Variants in GPHN observed in about 807,000 individuals in gnomAD.
GPHN encodes gephyrin.
Under a neutral mutation model 95.5 loss-of-function variants are expected in GPHN, and 17 were observed. The observed-to-expected ratio is 0.18, with a 90% confidence interval of 0.12 to 0.27. The LOEUF (loss-of-function observed/expected upper bound fraction) is 0.27, where lower values mean the gene tolerates loss of function less well. Among genes scored for constraint, GPHN ranks in the 10% least tolerant of loss-of-function variants. The pLI is 1.00. For synonymous variants in GPHN, 320 were observed against 322.5 expected (o/e 0.99, Z 0.08); for missense variants, 660 against 978.1 (o/e 0.67, Z 4.34).
At chr14:67,143,269 C>G (rs1595358842) in intron 17 of GPHN, 93 bp from the exon 18 acceptor site, 2 of 802,696 alleles carry the variant, frequency 2.5e-6, no homozygotes, top group East Asian at 4.9e-5. Context: ...ATGTTAATGC[C>G]TATTAGTGAA....
At chr14:67,578,754 G>A in the GPHN span, 12 of 709,934 alleles carry the variant, frequency 1.7e-5, no homozygotes, top group African/African-American at 8.7e-5. This position sits in a 1 kb window ranked among gnomAD's most constrained non-coding sequence, Gnocchi z 5.0. Flanking sequence ...CTCAGTGGTC[G>A]TGGAGACTTC....
chr14:67,229,777 T>A, the GPHN span, among the ~76,000 whole-genome samples: 1 of 152,372 alleles, frequency 6.6e-6, no homozygotes, highest in Admixed American at 6.5e-5. Flanking sequence ...TTTACTCTTT[T>A]GATGTGCCTG....
the GPHN span, among the ~76,000 whole-genome samples, chr14:67,325,802 AT>A: frequency 6.8e-6 from 1 of 148,136 alleles, no homozygotes; most frequent in Non-Finnish European, 1.5e-5. Context: ...CATGTTAAAC[AT>A]GTTAAGCATC....
the GPHN span, chr14:67,225,029 TC>T: frequency 8.3e-7 from 1 of 1,204,516 alleles, no homozygotes; most frequent in Non-Finnish European, 1.1e-6. Context: ...GCCTTTTTTT[TC>T]CTCCTGCTTT....
the GPHN span, among the ~76,000 whole-genome samples, chr14:67,260,455 G>A: frequency 6.6e-6 from 1 of 152,186 alleles, no homozygotes; most frequent in Non-Finnish European, 1.5e-5. Context: ...TCAAATATGA[G>A]TTAACAAACT....
At chr14:66,689,346 G>A (rs1016953210) in intron 2 of GPHN, among the ~76,000 whole-genome samples, 2 of 152,114 alleles carry the variant, frequency 1.3e-5, no homozygotes, top group Non-Finnish European at 2.9e-5. Flanking sequence ...CATATTTATT[G>A]ATTTGCATAT....
the GPHN span, among the ~76,000 whole-genome samples, chr14:67,461,214 T>C: frequency 1.3e-5 from 2 of 152,244 alleles, no homozygotes; most frequent in South Asian, 4.1e-4. Flanking sequence ...CTAAGCACTC[T>C]ACAGTCATTG....
At chr14:67,573,420 AG>A in the GPHN span, 1 of 1,228,322 alleles carries the variant, frequency 8.1e-7, no homozygotes, top group Non-Finnish European at 1.2e-6. This position sits in a 1 kb window ranked among gnomAD's most constrained non-coding sequence, Gnocchi z 4.8. Context: ...TGCAGTCAAA[AG>A]GTCTCCACAT....
In GPHN at chr14:66,702,527, C is replaced by T. The variant is rs144138528; in HGVS notation, c.143+21342C>T. Among the ~76,000 whole-genome samples, 11 of 152,214 alleles carry T rather than the reference C, an allele frequency of 7.2e-5. No homozygotes were observed. In the East Asian group the frequency reaches 2.1e-3, roughly 29 times the overall value. On this transcript the variant is annotated intron_variant, in intron 2 of 22. Transcript: ENST00000478722. Reference sequence around the variant, plus strand: ...CCAAATGAATAGGGCCTGAAGTGAACCCCCAGCAAACCACAGCAGCCATAT... The same window carrying T: ...CCAAATGAATAGGGCCTGAAGTGAATCCCCAGCAAACCACAGCAGCCATAT...
chr14:67,106,248 T>C lies in GPHN; in HGVS notation c.1294-3892T>C, dbSNP rs555916627. ...CTTTCTTCCTGTCCTGTAAGGTTTC[T>C]GCAGAGAAATCTACTGTTAGTCTAA... On this transcript the variant is annotated intron_variant, in intron 13 of 22. Transcript: ENST00000478722. 3.9e-3 allele frequency among the ~76,000 whole-genome samples: 596 copies of C among 152,328 alleles called. 5 individuals carry two copies. The highest frequency in any genetic ancestry group is 0.014 in the African/African-American group (573 of 41,594).
intron 2 of GPHN, among the ~76,000 whole-genome samples, chr14:66,701,361 C>T (rs1035240277): frequency 1.3e-5 from 2 of 152,238 alleles, no homozygotes; most frequent in South Asian, 4.1e-4. Context: ...AATAACTGTA[C>T]ATTTGGGTGC....
At chr14:67,723,467 T>C in the GPHN span, among the ~76,000 whole-genome samples, 1 of 152,190 alleles carries the variant, frequency 6.6e-6, no homozygotes, top group Admixed American at 6.5e-5. Context: ...ACTCCTGGGC[T>C]TAAGCGACCA....
chr14:67,046,703 G>C (rs2075037273), intron 10 of GPHN, among the ~76,000 whole-genome samples: 1 of 152,044 alleles, frequency 6.6e-6, no homozygotes, highest in Non-Finnish European at 1.5e-5. Context: ...ATGCTTTGAG[G>C]CTCATTGTCT....
the GPHN span, chr14:67,582,215 G>A: frequency 6.2e-7 from 1 of 1,613,706 alleles, no homozygotes; most frequent in Non-Finnish European, 8.5e-7. The surrounding 1 kb of genome is among the most constrained non-coding windows in gnomAD (Gnocchi z 5.0). Flanking sequence ...GCCCAGGTAA[G>A]GTTCTGTTCA....
the GPHN span, among the ~76,000 whole-genome samples, chr14:67,331,286 C>T: frequency 0.015 from 2,356 of 152,316 alleles, 25 homozygotes; most frequent in Non-Finnish European, 0.023. Flanking sequence ...CCCATGTGAT[C>T]CACCTACCTT....
At chr14:67,299,911 C>G in the GPHN span, among the ~76,000 whole-genome samples, 1 of 152,098 alleles carries the variant, frequency 6.6e-6, no homozygotes, top group Non-Finnish European at 1.5e-5. Flanking sequence ...CTTCAGCTGT[C>G]AAAAGGTGTA....
rs566006145 is a variant in GPHN at position 66,694,139 on chromosome 14, C to A, written c.143+12954C>A. On this transcript the variant is annotated intron_variant, in intron 2 of 22. Coordinates refer to ENST00000478722, the MANE Select transcript of GPHN (RefSeq NM_020806.5). Reference sequence around the variant, plus strand: ...ATGTGAGGGCGTTTGAAGGATGAGGCCTTTGGGAGGTGATTTAGTCATGAG... The same window carrying A: ...ATGTGAGGGCGTTTGAAGGATGAGGACTTTGGGAGGTGATTTAGTCATGAG... Among the ~76,000 whole-genome samples the A allele has an allele frequency of 2.6e-5, 4 of 152,128 alleles. No homozygotes were observed. The South Asian group carries it at 6.2e-4, about 24-fold the overall frequency.
the GPHN span, chr14:67,575,856 C>T: frequency 9.9e-6 from 16 of 1,613,740 alleles, no homozygotes; most frequent in East Asian, 2.2e-5. Flanking sequence ...GCGGGATGCG[C>T]ACATAGAGGA....
the GPHN span, chr14:67,359,660 T>C: frequency 2.5e-6 from 4 of 1,613,892 alleles, no homozygotes; most frequent in Non-Finnish European, 2.5e-6. Context: ...TTACTTACAT[T>C]CGCGAGGGAA....
Sources: allele counts gnomAD v4.1 joint callset (sites outside exome capture counted in the v4.1 genomes callset), GRCh38; gene constraint gnomAD v4.1.1; non-coding constraint Gnocchi (gnomAD v3.1); transcripts MANE v1.5; gene names NCBI Gene and HGNC (gene_info 2026-07-23, HGNC 2026-07-21).